Variants in NMT1 observed in about 807,000 individuals in gnomAD.
The protein encoded by NMT1 is glycylpeptide N-tetradecanoyltransferase 1.
A neutral mutation model predicts 63.4 loss-of-function variants in NMT1; 12 were observed. The observed-to-expected ratio is 0.19, with a 90% confidence interval of 0.12 to 0.31. NMT1 has a LOEUF of 0.31. NMT1 is among the 10% of genes least tolerant of loss of function. The pLI is 1.00. For missense variants in NMT1, 432 were observed against 634.6 expected (o/e 0.68, Z 3.43); for synonymous variants, 228 against 234.3 (o/e 0.97, Z 0.25).
At position 45,103,290 on chromosome 17, in the gene NMT1, C is replaced by T. The variant is rs1268426491; in HGVS notation, c.1164+169C>T. On this transcript the variant is annotated intron_variant, in intron 9 of 11. Transcript: ENST00000258960. This position sits in a 1 kb window ranked among gnomAD's most constrained non-coding sequence, Gnocchi z 4.8. Reference sequence around the variant, plus strand: ...GGTGCTTGAATTTGCTGAAAAGATACCTCTGGATCTGGCTTGAGCCCTTCT... The same window carrying T: ...GGTGCTTGAATTTGCTGAAAAGATATCTCTGGATCTGGCTTGAGCCCTTCT... Among the ~76,000 whole-genome samples, 1 of 152,142 alleles carries T rather than the reference C, an allele frequency of 6.6e-6. No individual in the cohort carries two copies. The highest frequency in any genetic ancestry group is 2.4e-5 in the African/African-American group (1 of 41,424).
intron 1 of NMT1, among the ~76,000 whole-genome samples, chr17:45,072,120 C>T (rs1177950154): frequency 3.3e-5 from 5 of 151,850 alleles, no homozygotes; most frequent in African/African-American, 7.2e-5. Context: ...GGTATGGTGG[C>T]GTACGCCTGT....
chr17:45,103,633 G>A lies in NMT1; in HGVS notation c.1165-76G>A, dbSNP rs974442481. The A allele has an allele frequency of 1.4e-6, 2 of 1,440,300 alleles. No individual in the cohort carries two copies. Among genetic ancestry groups the A allele is most frequent in the South Asian group, 1.3e-5 (1 of 76,870 alleles). The allele number at this position is 1,440,300 out of a possible 1,614,324, so 89.2% of individuals were successfully genotyped here. A position where few individuals can be genotyped will look rare whatever the true frequency, so the allele number is the denominator to read the frequency against. On this transcript the variant is annotated intron_variant, in intron 9 of 11. Transcript: ENST00000258960. This position sits in a 1 kb window ranked among gnomAD's most constrained non-coding sequence, Gnocchi z 4.8. ...GGGCAGAGCTGCCTGAAGGTGGAGTGAGAGAAACATTTTGTTCCCGGGCCG... is the reference window on the plus strand; with the variant it reads ...GGGCAGAGCTGCCTGAAGGTGGAGTAAGAGAAACATTTTGTTCCCGGGCCG...
At chr17:45,102,883 T>G in intron 8 of NMT1, 68 bp from the exon 9 acceptor site, 5 of 1,455,942 alleles carry the variant, frequency 3.4e-6, no homozygotes, top group Non-Finnish European at 4.7e-6. Context: ...GGGCCTGATC[T>G]GTCCTTGCCA....
At chr17:45,071,314 C>A in intron 1 of NMT1, 1 of 152,316 alleles carries the variant, frequency 6.6e-6, no homozygotes. Context: ...CCTACTTCAG[C>A]CTCCCGAGTG....
At position 45,061,369 on chromosome 17, in the gene NMT1, C is replaced by G; in HGVS notation, c.40C>G (p.Pro14Ala). The G allele has an allele frequency of 1.2e-6, 2 of 1,614,022 alleles. No individual in the cohort carries two copies. Among genetic ancestry groups the G allele is most frequent in the Non-Finnish European group, 1.7e-6 (2 of 1,179,982 alleles). ...ESETAVKPPA[P>A]PLPQMMEGNG... ...TGAGACAGCAGTGAAGCCGCCGGCACCTCCGCTGCCGCAGATGATGGAAGG... is the reference window on the plus strand; with the variant it reads ...TGAGACAGCAGTGAAGCCGCCGGCAGCTCCGCTGCCGCAGATGATGGAAGG... The change falls in exon 1 of 12, where the codon CCT (proline) becomes GCT (alanine). Residue 14 changes from proline (P) to alanine (A), a missense_variant. Physicochemically the swap from Pro to Ala is conservative, Grantham distance 27. Transcript: ENST00000258960.
rs2054216319 is a variant in NMT1, at chr17:45,108,222, A to C, written c.*2583A>C. The C allele has an allele frequency of 6.6e-6, 1 of 152,268 alleles. No individual in the cohort carries two copies. Among genetic ancestry groups the C allele is most frequent in the African/African-American group, 2.4e-5 (1 of 41,376 alleles). 9.4% of individuals were successfully genotyped at this position (152,268 alleles called of 1,614,324 possible). ...TCCCAGCTGCCATGTTTCAAAGACGACCTTTACCTCCTGCCTTTGGATTGA... is the reference window on the plus strand; with the variant it reads ...TCCCAGCTGCCATGTTTCAAAGACGCCCTTTACCTCCTGCCTTTGGATTGA... On this transcript the variant is annotated 3_prime_UTR_variant, in exon 12 of 12. Coordinates refer to ENST00000258960, the MANE Select transcript of NMT1 (RefSeq NM_021079.5).
chr17:45,102,882 C>T, intron 8 of NMT1, 69 bp from the exon 9 acceptor site: 1 of 1,447,978 alleles, frequency 6.9e-7, no homozygotes, highest in Non-Finnish European at 9.4e-7. Context: ...AGGGCCTGAT[C>T]TGTCCTTGCC....
At position 45,104,222 on chromosome 17, in the gene NMT1, G is replaced by A. The variant is rs998859400; in HGVS notation, c.1332+346G>A. The stretch of plus-strand genomic sequence containing the variant: ...GGGAAAGGGGTGATTGCTGTCTGTC[G>A]TGGTGAGTCATTGGAGCATCCAACT... On this transcript the variant is annotated intron_variant, in intron 10 of 11. Coordinates refer to ENST00000258960, the MANE Select transcript of NMT1 (RefSeq NM_021079.5). This position sits in a 1 kb window ranked among gnomAD's most constrained non-coding sequence, Gnocchi z 4.2. The A allele has an allele frequency of 4.3e-5, 53 of 1,225,014 alleles. No individual in the cohort carries two copies. Among genetic ancestry groups the A allele is most frequent in the Non-Finnish European group, 5.4e-5 (52 of 966,686 alleles). 75.9% of individuals were successfully genotyped at this position (1,225,014 alleles called of 1,614,324 possible).
intron 8 of NMT1, among the ~76,000 whole-genome samples, chr17:45,101,363 G>T (rs986165940): frequency 1.4e-5 from 2 of 147,234 alleles, no homozygotes; most frequent in South Asian, 4.5e-4. Flanking sequence ...GGTGGCTCAC[G>T]CCTGTAATCC....
At chr17:45,063,078 G>A (rs1278059642) in intron 1 of NMT1, among the ~76,000 whole-genome samples, 2 of 151,744 alleles carry the variant, frequency 1.3e-5, no homozygotes, top group South Asian at 2.1e-4. Flanking sequence ...GGTGGCGGGC[G>A]CCTGTAGTCC....
intron 8 of NMT1, among the ~76,000 whole-genome samples, chr17:45,100,879 AAAAAAAAAAAAAAAAAAG>A (rs1399417024): frequency 1.5e-5 from 2 of 132,088 alleles, no homozygotes; most frequent in East Asian, 4.6e-4. Flanking sequence ...AAAAAAAAAA[AAAAAAAAAAAAAAAAAAG>A]AAGGCCAGGC....
intron 3 of NMT1, among the ~76,000 whole-genome samples, chr17:45,092,069 C>T (rs1598014393): frequency 1.3e-5 from 2 of 152,122 alleles, no homozygotes; most frequent in South Asian, 4.1e-4. Context: ...ACCTCTCTCC[C>T]AAGCAAACCT....
chr17:45,073,590 A>C (rs2053956996), intron 1 of NMT1, among the ~76,000 whole-genome samples: 2 of 152,214 alleles, frequency 1.3e-5, no homozygotes, highest in South Asian at 4.1e-4. Flanking sequence ...AACATGACTC[A>C]CTTTCCTCAT....
chr17:45,094,495 A>G (rs1420803522), intron 4 of NMT1, among the ~76,000 whole-genome samples: 2 of 134,660 alleles, frequency 1.5e-5, no homozygotes, highest in East Asian at 4.3e-4. Context: ...TCTTTGTCTC[A>G]AAAAAAAAAA....
chr17:45,064,614 G>C, intron 1 of NMT1, among the ~76,000 whole-genome samples: 1 of 152,216 alleles, frequency 6.6e-6, no homozygotes, highest in East Asian at 1.9e-4. Context: ...CTTGTGGTCA[G>C]GAGTTTGAGA....
intron 8 of NMT1, among the ~76,000 whole-genome samples, chr17:45,101,185 A>G (rs2054162592): frequency 1.3e-5 from 2 of 151,688 alleles, no homozygotes; most frequent in Admixed American, 6.6e-5. Flanking sequence ...CTCCATCTCA[A>G]AAAAAACAAC....
intron 3 of NMT1, among the ~76,000 whole-genome samples, chr17:45,088,867 C>A (rs928520316): frequency 2.6e-5 from 4 of 152,142 alleles, no homozygotes. Flanking sequence ...GAAAGTGCTT[C>A]AGTTTAGTTC....
intron 5 of NMT1, 41 bp downstream of exon 5, chr17:45,096,326 C>A: frequency 6.6e-7 from 1 of 1,510,852 alleles, no homozygotes; most frequent in Non-Finnish European, 9.2e-7. Context: ...GAGAGGAAGG[C>A]ATAGAGCAGA....
chr17:45,094,957 C>T (rs573803102), intron 4 of NMT1, among the ~76,000 whole-genome samples: 1 of 150,866 alleles, frequency 6.6e-6, no homozygotes, highest in South Asian at 2.1e-4. Context: ...AGATTACAAC[C>T]ATCTGTCACC....
Sources: gnomAD v4.1 joint callset for allele counts (sites outside exome capture counted in the v4.1 genomes callset) on GRCh38, gnomAD v4.1.1 for gene constraint, Gnocchi (gnomAD v3.1) non-coding constraint, MANE v1.5 for transcripts, NCBI Gene and HGNC (gene_info 2026-07-23, HGNC 2026-07-21) for gene names.